SLC12A7: variants seen among roughly 807,000 people sequenced by gnomAD.
The protein encoded by SLC12A7 is K-Cl cotransporter 4.
A neutral mutation model predicts 120.6 loss-of-function variants in SLC12A7; 100 were observed. The ratio of observed to expected loss-of-function variants is 0.83; its 90% CI spans 0.71 to 0.98. SLC12A7 has a LOEUF of 0.98. Ranked by LOEUF, SLC12A7 falls within the 50% of genes least tolerant of loss-of-function variation. The pLI is 0.00. For synonymous variants in SLC12A7, 760 were observed against 678.0 expected, an observed-to-expected ratio of 1.12 and a Z score of -1.88; for missense variants, 1,373 against 1,548.1, an observed-to-expected ratio of 0.89 and a Z score of 1.90.
rs1452171245 is a variant in SLC12A7 at position 1,095,057 on chromosome 5, GGTAGGAGGTGGGGCCC to G, written c.125-825_125-810del. Among the ~76,000 whole-genome samples, 19 of 129,678 alleles carry G rather than the reference GGTAGGAGGTGGGGCCC, an allele frequency of 1.5e-4. 1 individual carries two copies. The highest frequency in any genetic ancestry group is 3.8e-3 in the Middle Eastern group (1 of 264). The allele number at this position is 129,678 out of a possible 152,430, so 85.1% of individuals were successfully genotyped here. ...CGGGGGGCCGGTAGGAGGCGGGGCC[GGTAGGAGGTGGGGCCC>G]GTAGGAGGTGGTGAGGTGTGGAAGG... On this transcript the variant is annotated intron_variant, in intron 1 of 23. Coordinates refer to ENST00000264930, the MANE Select transcript of SLC12A7 (RefSeq NM_006598.3).
chr5:1,064,059 G>A lies in SLC12A7; in HGVS notation c.2607+24C>T, dbSNP rs372136981. The stretch of plus-strand genomic sequence containing the variant: ...ACGTGGGGTGGCCGTGCTCCGGCTG[G>A]CGTGTCCCCGTCGCACGCCCCACCT... On this transcript the variant is annotated intron_variant, in intron 19 of 23. Coordinates refer to ENST00000264930, the MANE Select transcript of SLC12A7 (RefSeq NM_006598.3). The A allele has an allele frequency of 3.1e-5, 49 of 1,601,144 alleles. No homozygotes were observed. In the Middle Eastern group the frequency reaches 8.3e-4, roughly 27 times the overall value.
intron 1 of SLC12A7, among the ~76,000 whole-genome samples, chr5:1,100,048 G>A (rs187885407): frequency 2.0e-5 from 3 of 152,342 alleles, no homozygotes; most frequent in Admixed American, 6.5e-5. Context: ...AAGAAGGCAT[G>A]GCATTTCAAC....
rs773510223 is a variant in SLC12A7 at position 1,063,990 on chromosome 5, G to A, written c.2608-15C>T. The A allele has an allele frequency of 2.5e-6, 4 of 1,611,230 alleles. No individual in the cohort carries two copies. The highest frequency in any genetic ancestry group is 3.3e-4 in the Middle Eastern group (2 of 6,076). ...TTCCTCCACACCTGCAGACAGGGAG[G>A]GCATGGCTGTGGGGCCTCAGAGGAG... On this transcript the variant is annotated splice_polypyrimidine_tract_variant and intron_variant, in intron 19 of 23. Coordinates refer to ENST00000264930, the MANE Select transcript of SLC12A7 (RefSeq NM_006598.3).
At chr5:1,073,565 G>T in intron 17 of SLC12A7, 68 bp downstream of exon 17, 1 of 1,506,826 alleles carries the variant, frequency 6.6e-7, no homozygotes, top group Non-Finnish European at 9.0e-7. Context: ...ATGAGGACAT[G>T]CCAGGGCACG....
chr5:1,145,827 C>T, the SLC12A7 span, among the ~76,000 whole-genome samples: 1 of 152,030 alleles, frequency 6.6e-6, no homozygotes, highest in African/African-American at 2.4e-5. The surrounding 1 kb of genome is among the most constrained non-coding windows in gnomAD (Gnocchi z 4.4). Flanking sequence ...CTACTGTCTG[C>T]TTGCATTTTC....
Position 1,057,460 on chromosome 5 carries a change from C to G in SLC12A7, c.3026+11G>C. The stretch of plus-strand genomic sequence containing the variant: ...ATCTGTTCCCCCCAGGCCACACGCA[C>G]GGACACTCACGGCTTCATGCTGAAG... On this transcript the variant is annotated intron_variant, in intron 22 of 23. Transcript: ENST00000264930. 1 of 1,603,954 alleles carries G rather than the reference C, an allele frequency of 6.2e-7. No homozygotes were observed. Among genetic ancestry groups the G allele is most frequent in the Non-Finnish European group, 8.5e-7 (1 of 1,176,690 alleles).
chr5:1,088,322 G>A lies in SLC12A7; in HGVS notation c.528C>T (p.Thr176=). 6.3e-7 allele frequency: 1 copy of A among 1,587,030 alleles called. No individual in the cohort carries two copies. The highest frequency in any genetic ancestry group is 2.3e-5 in the East Asian group (1 of 44,100). The change falls in exon 5 of 24, where the codon ACC becomes ACT. Residue 176 remains threonine, a synonymous_variant. Coordinates refer to ENST00000264930, the MANE Select transcript of SLC12A7 (RefSeq NM_006598.3). The part of the protein sequence containing the change: ...LTAISMSAIA[T]NGVVPAGGSY... Reference sequence around the variant, plus strand: ...ACCCCTTACCTGGGACCACACCGTTGGTAGCGATCGCACTCATGGAAATGG... The same window carrying A: ...ACCCCTTACCTGGGACCACACCGTTAGTAGCGATCGCACTCATGGAAATGG...
rs377693195 is a variant in SLC12A7, at chr5:1,065,767, C to T, written c.2242-289G>A. ...CACAACGCCAGGCAGTTCTCTGAGGCGATCCACAACATCCCAGACCCACCC... is the reference window on the plus strand; with the variant it reads ...CACAACGCCAGGCAGTTCTCTGAGGTGATCCACAACATCCCAGACCCACCC... On this transcript the variant is annotated intron_variant, in intron 17 of 23. Transcript: ENST00000264930. Among the ~76,000 whole-genome samples, 62 of 152,232 alleles carry T rather than the reference C, an allele frequency of 4.1e-4. No individual in the cohort carries two copies. The South Asian group carries it at 0.011, about 27-fold the overall frequency.
chr5:1,146,481 T>C, the SLC12A7 span, among the ~76,000 whole-genome samples: 2 of 152,066 alleles, frequency 1.3e-5, no homozygotes, highest in Admixed American at 1.3e-4. The surrounding 1 kb of genome is among the most constrained non-coding windows in gnomAD (Gnocchi z 6.5). Context: ...AAAATAAAAT[T>C]CTAAGGCTCC....
At chr5:1,153,981 C>T in the SLC12A7 span, among the ~76,000 whole-genome samples, 2 of 152,088 alleles carry the variant, frequency 1.3e-5, no homozygotes, top group African/African-American at 2.4e-5. Flanking sequence ...GGGCTGGACC[C>T]GAGAGCCACA....
chr5:1,073,867 A>AGGGCAGATGGGACGGGCG (rs1299824202), intron 16 of SLC12A7, 66 bp from the exon 17 acceptor site: 1 of 1,319,812 alleles, frequency 7.6e-7, no homozygotes, highest in Non-Finnish European at 9.7e-7. Flanking sequence ...ATCAACAGGC[A>AGGGCAGATGGGACGGGCG]GGGCAGATGG....
intron 2 of SLC12A7, 27 bp from the exon 3 acceptor site, chr5:1,093,682 C>T (rs749630373): frequency 3.9e-5 from 62 of 1,608,100 alleles, no homozygotes; most frequent in East Asian, 8.9e-5. Flanking sequence ...TGGTCACAGG[C>T]GGCCCGCACC....
At chr5:1,059,500 G>A (rs1338931281) in intron 21 of SLC12A7, among the ~76,000 whole-genome samples, 3 of 152,174 alleles carry the variant, frequency 2.0e-5, no homozygotes, top group African/African-American at 7.2e-5. Flanking sequence ...AGCCTGGTGG[G>A]ACCCACGAAG....
chr5:1,102,993 TAA>T (rs1216158331), intron 1 of SLC12A7, among the ~76,000 whole-genome samples: 1 of 152,096 alleles, frequency 6.6e-6, no homozygotes, highest in Non-Finnish European at 1.5e-5. Context: ...GGCACTGAAA[TAA>T]AGTGTGTTTA....
chr5:1,075,636 G>C, intron 14 of SLC12A7, 146 bp from the exon 15 acceptor site: 1 of 1,285,436 alleles, frequency 7.8e-7, no homozygotes, highest in South Asian at 1.6e-5. Context: ...GACCATGGCT[G>C]TACTCAACCA....
In SLC12A7 at chr5:1,081,336, G is replaced by A. The variant is rs577124403; in HGVS notation, c.1297+241C>T. ...TAACCGGGCGTGGTACCGTGTGCCT[G>A]GGGTCCCGGCTGCCCCCCTCTACAA... is the stretch of plus-strand genomic sequence containing the variant. On this transcript the variant is annotated intron_variant, in intron 9 of 23. Transcript: ENST00000264930. 2.7e-4 allele frequency among the ~76,000 whole-genome samples: 41 copies of A among 152,142 alleles called. No individual in the cohort carries two copies. The South Asian group carries it at 8.1e-3, about 30-fold the overall frequency.
At chr5:1,100,959 A>G (rs1741955737) in intron 1 of SLC12A7, among the ~76,000 whole-genome samples, 1 of 152,074 alleles carries the variant, frequency 6.6e-6, no homozygotes, top group Non-Finnish European at 1.5e-5. Flanking sequence ...CTGCATGGTG[A>G]CCACCCACCA....
At chr5:1,136,141 G>A in the SLC12A7 span, among the ~76,000 whole-genome samples, 1 of 152,134 alleles carries the variant, frequency 6.6e-6, no homozygotes, top group Non-Finnish European at 1.5e-5. Flanking sequence ...ACAGGAGGAG[G>A]GAGAATCGTG....
chr5:1,137,164 C>T, the SLC12A7 span, among the ~76,000 whole-genome samples: 1 of 152,182 alleles, frequency 6.6e-6, no homozygotes, highest in Non-Finnish European at 1.5e-5. Context: ...GTTTTCACCC[C>T]CTCAAGCTCA....
Sources: allele counts gnomAD v4.1 joint callset (sites outside exome capture counted in the v4.1 genomes callset), GRCh38; gene constraint gnomAD v4.1.1; non-coding constraint Gnocchi (gnomAD v3.1); transcripts MANE v1.5; gene names NCBI Gene and HGNC (gene_info 2026-07-23, HGNC 2026-07-21).